BTF3L4: variants seen among roughly 807,000 people sequenced by gnomAD.
The protein encoded by BTF3L4 is transcription factor BTF3 homolog 4.
BTF3L4 carries 6 observed loss-of-function variants against 16.8 expected under a neutral mutation model. The ratio of observed to expected loss-of-function variants is 0.36; its 90% confidence interval spans 0.20 to 0.71. The LOEUF is 0.71. Ranked by LOEUF, BTF3L4 falls within the 30% of genes least tolerant of loss-of-function variation. The pLI is 0.58. For missense variants in BTF3L4, 92 were observed against 186.9 expected (o/e 0.49, Z 2.96); for synonymous variants, 39 against 59.8 (o/e 0.65, Z 1.60).
At chr1:52,082,637 G>A (rs1292535851) in intron 3 of BTF3L4, among the ~76,000 whole-genome samples, 2 of 152,060 alleles carry the variant, frequency 1.3e-5, no homozygotes, top group Non-Finnish European at 2.9e-5. Flanking sequence ...AGGTTGGGAG[G>A]CTGAGGGAGG....
chr1:52,060,014 A>G, intron 2 of BTF3L4, 113 bp downstream of exon 2: 1 of 971,272 alleles, frequency 1.0e-6, no homozygotes, highest in East Asian at 2.7e-5. Context: ...TCAAGATCAA[A>G]CCACATTCCA....
chr1:52,078,338 C>T (rs1038303016), intron 3 of BTF3L4, among the ~76,000 whole-genome samples: 13 of 149,982 alleles, frequency 8.7e-5, no homozygotes, highest in African/African-American at 2.9e-4. Flanking sequence ...GCTGGGATTA[C>T]AGACATGAGC....
At chr1:52,072,843 G>A (rs1307446865) in intron 3 of BTF3L4, among the ~76,000 whole-genome samples, 1 of 152,090 alleles carries the variant, frequency 6.6e-6, no homozygotes, top group African/African-American at 2.4e-5. Context: ...GTCGCATCAC[G>A]AGGTCAGGAG....
At chr1:52,070,569 A>AC (rs1686762866) in intron 3 of BTF3L4, among the ~76,000 whole-genome samples, 2 of 150,534 alleles carry the variant, frequency 1.3e-5, no homozygotes, top group South Asian at 4.2e-4. Flanking sequence ...AAAAAAAAAA[A>AC]AACAAAACTA....
At chr1:52,079,465 C>T (rs886948737) in intron 3 of BTF3L4, among the ~76,000 whole-genome samples, 1 of 152,052 alleles carries the variant, frequency 6.6e-6, no homozygotes, top group African/African-American at 2.4e-5. Flanking sequence ...CTAAACTCTC[C>T]ATCCCTTTCT....
At chr1:52,069,795 T>G (rs80222540) in intron 3 of BTF3L4, among the ~76,000 whole-genome samples, 17 of 152,324 alleles carry the variant, frequency 1.1e-4, no homozygotes, top group African/African-American at 3.8e-4. Flanking sequence ...CCAAGTAAAG[T>G]GTTTCTCCAT....
At chr1:52,072,342 G>A (rs966039627) in intron 3 of BTF3L4, among the ~76,000 whole-genome samples, 2 of 151,982 alleles carry the variant, frequency 1.3e-5, no homozygotes, top group East Asian at 1.9e-4. Flanking sequence ...ATGAGCCACC[G>A]CGCCTGGCCA....
At chr1:52,067,571 C>T (rs1359761710) in intron 3 of BTF3L4, among the ~76,000 whole-genome samples, 1 of 152,032 alleles carries the variant, frequency 6.6e-6, no homozygotes, top group Non-Finnish European at 1.5e-5. Flanking sequence ...ATTTTAGAGA[C>T]CGTTCTCTTA....
chr1:52,071,986 T>C (rs1686800262), intron 3 of BTF3L4, among the ~76,000 whole-genome samples: 1 of 150,834 alleles, frequency 6.6e-6, no homozygotes, highest in African/African-American at 2.4e-5. Context: ...GATATATCTA[T>C]ATATATATCA....
At chr1:52,065,204 A>G (rs1265193002) in intron 3 of BTF3L4, 1 of 210,342 alleles carries the variant, frequency 4.8e-6, no homozygotes, top group East Asian at 1.2e-4. Context: ...CTTGAATATT[A>G]ATATAAAATA....
intron 3 of BTF3L4, among the ~76,000 whole-genome samples, chr1:52,077,704 T>G (rs1383853725): frequency 2.6e-5 from 4 of 152,168 alleles, no homozygotes; most frequent in Admixed American, 6.5e-5. Context: ...TTTGTGAGCC[T>G]CCTCTAGCCA....
intron 2 of BTF3L4, chr1:52,060,299 A>G: frequency 3.2e-6 from 1 of 314,318 alleles, no homozygotes; most frequent in Non-Finnish European, 6.2e-6. Context: ...TATAGCTATT[A>G]TTATGGTTAG....
intron 3 of BTF3L4, among the ~76,000 whole-genome samples, chr1:52,067,226 T>C (rs1475566477): frequency 6.6e-6 from 1 of 152,080 alleles, no homozygotes; most frequent in Non-Finnish European, 1.5e-5. Context: ...ATAATAATAA[T>C]GTGGATAGAG....
intron 3 of BTF3L4, among the ~76,000 whole-genome samples, chr1:52,072,804 T>TA (rs1477484241): frequency 6.6e-6 from 1 of 152,206 alleles, no homozygotes; most frequent in Non-Finnish European, 1.5e-5. Context: ...TTCACACTTG[T>TA]AATCCTAGCA....
At chr1:52,083,716 C>A (rs1643944710) in intron 4 of BTF3L4, among the ~76,000 whole-genome samples, 175 bp downstream of exon 4, 1 of 151,992 alleles carries the variant, frequency 6.6e-6, no homozygotes, top group African/African-American at 2.4e-5. Context: ...TGTAGTGTGA[C>A]ATATAGAATA....
intron 3 of BTF3L4, among the ~76,000 whole-genome samples, chr1:52,073,826 C>T (rs1337341383): frequency 1.3e-5 from 2 of 151,510 alleles, no homozygotes; most frequent in Non-Finnish European, 2.9e-5. Flanking sequence ...GGTGAAACCC[C>T]GTCTCTACTA....
At chr1:52,064,790 G>A in intron 2 of BTF3L4, 35 bp from the exon 3 acceptor site, 2 of 1,404,982 alleles carry the variant, frequency 1.4e-6, no homozygotes, top group South Asian at 2.4e-5. Flanking sequence ...TGCCAGGCAT[G>A]CTAACACTTC....
chr1:52,064,898 T>TA lies in BTF3L4; in HGVS notation c.135dup (p.Leu46ThrfsTer5), dbSNP rs1558005082. 6.2e-7 allele frequency: 1 copy of TA among 1,613,208 alleles called. No homozygotes were observed. The highest frequency in any genetic ancestry group is 8.5e-7 in the Non-Finnish European group (1 of 1,179,654). ...GATGACAAAAAGCTTCAGAGTTCTC[T>TA]AAAAAAACTGGCTGTGAATAATATA... On this transcript the variant is annotated frameshift_variant, in exon 3 of 6. Transcript: ENST00000313334. LOFTEE classifies it high-confidence loss of function.
At chr1:52,085,010 A>C (rs921671771) in intron 4 of BTF3L4, among the ~76,000 whole-genome samples, 2 of 140,114 alleles carry the variant, frequency 1.4e-5, no homozygotes, top group South Asian at 2.2e-4. Context: ...AAATGAAAAA[A>C]ATCTTTTTTT....
Sources: allele counts gnomAD v4.1 joint callset (sites outside exome capture counted in the v4.1 genomes callset), GRCh38; gene constraint gnomAD v4.1.1; transcripts MANE v1.5; gene names NCBI Gene and HGNC (gene_info 2026-07-23, HGNC 2026-07-21).